CADM2: variants seen among roughly 807,000 people sequenced by gnomAD.
The protein encoded by CADM2 is immunoglobulin superfamily member 4D.
CADM2 carries 12 observed loss-of-function variants against 49.8 expected under a neutral mutation model. That is an observed-to-expected ratio of 0.24 (90% CI 0.15 to 0.39). CADM2 has a LOEUF of 0.39. Among genes scored for constraint, CADM2 ranks in the 10% least tolerant of loss-of-function variants. CADM2 has a pLI of 1.00. For missense variants in CADM2, 378 were observed against 492.3 expected (o/e 0.77, Z 2.20); for synonymous variants, 214 against 175.4 (o/e 1.22, Z -1.74).
At chr3:85,676,430 A>T (rs1200152696) in intron 1 of CADM2, among the ~76,000 whole-genome samples, 3 of 152,112 alleles carry the variant, frequency 2.0e-5, no homozygotes, top group Non-Finnish European at 4.4e-5. Flanking sequence ...GTGTAATCCT[A>T]TTTTTATTTT....
At chr3:85,144,972 C>G (rs1211921490) in intron 1 of CADM2, among the ~76,000 whole-genome samples, 1 of 152,062 alleles carries the variant, frequency 6.6e-6, no homozygotes, top group African/African-American at 2.4e-5. Flanking sequence ...TATGCCAAAC[C>G]TTAGAATACA....
chr3:85,779,771 T>A (rs2070542761), intron 2 of CADM2, among the ~76,000 whole-genome samples: 3 of 152,202 alleles, frequency 2.0e-5, no homozygotes, highest in African/African-American at 7.2e-5. Context: ...CCATCATATG[T>A]GTATCACAAA....
chr3:85,860,098 T>TA (rs2075467411), intron 3 of CADM2, among the ~76,000 whole-genome samples: 1 of 152,202 alleles, frequency 6.6e-6, no homozygotes, highest in African/African-American at 2.4e-5. Flanking sequence ...CATCTATATA[T>TA]AATTTATTTT....
At chr3:85,849,154 A>C (rs565559026) in intron 3 of CADM2, among the ~76,000 whole-genome samples, 1 of 152,342 alleles carries the variant, frequency 6.6e-6, no homozygotes, top group South Asian at 2.1e-4. Context: ...CACCTCTGTC[A>C]CAGTTGTGTT....
intron 3 of CADM2, among the ~76,000 whole-genome samples, chr3:85,845,243 G>A (rs1173586944): frequency 6.6e-6 from 1 of 151,890 alleles, no homozygotes; most frequent in African/African-American, 2.4e-5. Flanking sequence ...ATTCTGGCAT[G>A]GCTCTCACAA....
At chr3:85,085,173 C>A (rs1374496391) in intron 1 of CADM2, among the ~76,000 whole-genome samples, 2 of 152,126 alleles carry the variant, frequency 1.3e-5, no homozygotes, top group East Asian at 3.9e-4. Context: ...ACTTTTTCAG[C>A]CTAACTGAAA....
chr3:85,408,141 T>C lies in CADM2; in HGVS notation c.62-318381T>C, dbSNP rs550342700. On this transcript the variant is annotated intron_variant, in intron 1 of 9. Coordinates refer to ENST00000383699, the MANE Select transcript of CADM2 (RefSeq NM_001167675.2). ...TGAAGTATAGATAGCAAGAAAAGAT[T>C]GTGCTTTGGAAAATTTTGAGGTAAA... Among the ~76,000 whole-genome samples, 665 of 152,060 alleles carry C rather than the reference T, an allele frequency of 4.4e-3. 3 individuals carry two copies. The highest frequency in any genetic ancestry group is 0.013 in the South Asian group (63 of 4,824).
At chr3:85,823,934 G>A (rs946342840) in intron 3 of CADM2, among the ~76,000 whole-genome samples, 6 of 151,984 alleles carry the variant, frequency 3.9e-5, no homozygotes, top group Non-Finnish European at 7.4e-5. Context: ...CAGCCCATCC[G>A]CGAGATTAGA....
At chr3:85,515,289 A>C (rs2060864659) in intron 1 of CADM2, among the ~76,000 whole-genome samples, 1 of 152,174 alleles carries the variant, frequency 6.6e-6, no homozygotes. Flanking sequence ...CTTTTAGATT[A>C]GTTAACAAAG....
intron 1 of CADM2, among the ~76,000 whole-genome samples, chr3:85,258,680 C>T (rs1320279235): frequency 1.3e-5 from 2 of 152,036 alleles, no homozygotes; most frequent in African/African-American, 4.8e-5. Flanking sequence ...CTTTTTCTAA[C>T]TAGTAATACT....
chr3:85,784,141 C>T (rs2070826146), intron 2 of CADM2, among the ~76,000 whole-genome samples: 1 of 152,200 alleles, frequency 6.6e-6, no homozygotes, highest in African/African-American at 2.4e-5. Context: ...TCTTTATTCC[C>T]ATCTTGCTCC....
At chr3:85,828,745 T>A (rs192198642) in intron 3 of CADM2, among the ~76,000 whole-genome samples, 1 of 152,080 alleles carries the variant, frequency 6.6e-6, no homozygotes, top group African/African-American at 2.4e-5. Flanking sequence ...CCCCTAATTT[T>A]CATCCTACAA....
At chr3:85,469,325 A>C (rs889157272) in intron 1 of CADM2, among the ~76,000 whole-genome samples, 1 of 152,198 alleles carries the variant, frequency 6.6e-6, no homozygotes, top group Admixed American at 6.5e-5. Flanking sequence ...CCTGGGAAAC[A>C]GGAATGTATT....
At chr3:85,294,874 G>C (rs568404226) in intron 1 of CADM2, among the ~76,000 whole-genome samples, 2 of 152,094 alleles carry the variant, frequency 1.3e-5, no homozygotes, top group South Asian at 4.1e-4. Flanking sequence ...CAGGACATAG[G>C]CATGGGCAAG....
chr3:85,296,264 T>C (rs746096345), intron 1 of CADM2, among the ~76,000 whole-genome samples: 9 of 152,018 alleles, frequency 5.9e-5, no homozygotes, highest in Non-Finnish European at 1.0e-4. Context: ...AGCTAAGACC[T>C]CAGTAGTAAT....
At position 85,810,170 on chromosome 3, in the gene CADM2, G is replaced by C. The variant is rs143576933; in HGVS notation, c.238+7974G>C. On this transcript the variant is annotated intron_variant, in intron 3 of 9. Transcript: ENST00000383699. ...TATGGGAGAAGGCTTCTGGTTAAGAGCTATGACTGGCTGAGAAGGGATAGA... is the reference window on the plus strand; with the variant it reads ...TATGGGAGAAGGCTTCTGGTTAAGACCTATGACTGGCTGAGAAGGGATAGA... Among the ~76,000 whole-genome samples the C allele has an allele frequency of 2.6e-3, 396 of 152,214 alleles. 3 individuals carry two copies. Among genetic ancestry groups the C allele is most frequent in the South Asian group, 0.023 (113 of 4,826 alleles).
At chr3:85,746,146 C>A (rs904542502) in intron 2 of CADM2, among the ~76,000 whole-genome samples, 7 of 152,180 alleles carry the variant, frequency 4.6e-5, no homozygotes, top group Admixed American at 1.3e-4. Context: ...CCCCAAAGAG[C>A]AACTAGAACC....
chr3:85,124,551 C>A (rs1013753771), intron 1 of CADM2, among the ~76,000 whole-genome samples: 4 of 151,942 alleles, frequency 2.6e-5, no homozygotes, highest in Non-Finnish European at 4.4e-5. Context: ...GCTGTAATGA[C>A]CTATGATCAC....
intron 1 of CADM2, among the ~76,000 whole-genome samples, chr3:85,590,047 A>G (rs752153284): frequency 6.6e-6 from 1 of 151,938 alleles, no homozygotes; most frequent in Non-Finnish European, 1.5e-5. Context: ...AGGTTCAAGG[A>G]GTGTATATTT....
Sources: gnomAD v4.1 joint callset for allele counts (sites outside exome capture counted in the v4.1 genomes callset) on GRCh38, gnomAD v4.1.1 for gene constraint, MANE v1.5 for transcripts, NCBI Gene and HGNC (gene_info 2026-07-23, HGNC 2026-07-21) for gene names.